NR6A1: variants seen among roughly 807,000 people sequenced by gnomAD.
The protein encoded by NR6A1 is nuclear receptor subfamily 6 group A member 1.
A neutral mutation model predicts 59.1 loss-of-function variants in NR6A1; 7 were observed. The ratio of observed to expected loss-of-function variants is 0.12; its 90% confidence interval spans 0.07 to 0.22. NR6A1 has a LOEUF of 0.22. Among genes scored for constraint, NR6A1 ranks in the 10% least tolerant of loss-of-function variants. The probability of loss-of-function intolerance (pLI) is 1.00; values close to 1 mark genes in which losing one functional copy is unlikely to be tolerated. For synonymous variants in NR6A1, 243 were observed against 236.1 expected (o/e 1.03, Z -0.27); for missense variants, 468 against 611.6 (o/e 0.77, Z 2.48).
intron 2 of NR6A1, among the ~76,000 whole-genome samples, chr9:124,555,805 T>C (rs1354425711): frequency 2.0e-5 from 3 of 152,210 alleles, no homozygotes; most frequent in Non-Finnish European, 4.4e-5. Context: ...CTATATCCCA[T>C]GGATAAAGTT....
intron 2 of NR6A1, among the ~76,000 whole-genome samples, chr9:124,706,279 A>T (rs1839131145): frequency 6.6e-6 from 1 of 152,190 alleles, no homozygotes; most frequent in Admixed American, 6.5e-5. Flanking sequence ...CTTGCTCTAT[A>T]TAATCTTGTC....
At chr9:124,645,106 A>G (rs1271974805) in intron 2 of NR6A1, among the ~76,000 whole-genome samples, 1 of 152,232 alleles carries the variant, frequency 6.6e-6, no homozygotes, top group East Asian at 1.9e-4. Context: ...ATCTCTAGTG[A>G]AACAACTAAA....
At chr9:124,719,652 C>T (rs1015759644) in intron 2 of NR6A1, among the ~76,000 whole-genome samples, 3 of 152,146 alleles carry the variant, frequency 2.0e-5, no homozygotes, top group African/African-American at 7.2e-5. Context: ...AGCACAGTGG[C>T]TCACACCTGT....
At chr9:124,662,466 T>C (rs540787803) in intron 2 of NR6A1, among the ~76,000 whole-genome samples, 51 of 152,288 alleles carry the variant, frequency 3.3e-4, no homozygotes, top group Admixed American at 1.3e-3. Context: ...AGGATTTATA[T>C]AGAACGGCTC....
intron 3 of NR6A1, among the ~76,000 whole-genome samples, chr9:124,550,451 T>C (rs1833743418): frequency 7.1e-6 from 1 of 140,724 alleles, no homozygotes; most frequent in Non-Finnish European, 1.5e-5. Context: ...TACTGCAACC[T>C]CCGTCTCCCA....
At chr9:124,619,349 C>T (rs1239800743) in intron 2 of NR6A1, among the ~76,000 whole-genome samples, 3 of 152,088 alleles carry the variant, frequency 2.0e-5, no homozygotes, top group Admixed American at 1.3e-4. Flanking sequence ...ATGCAACCTC[C>T]GCCTCCTGGG....
intron 2 of NR6A1, chr9:124,599,128 C>G: frequency 1.5e-6 from 1 of 661,542 alleles, no homozygotes; most frequent in East Asian, 3.0e-5. Flanking sequence ...CGGCAAATCA[C>G]AGTTTCGCCC....
At chr9:124,697,690 A>C (rs891416795) in intron 2 of NR6A1, among the ~76,000 whole-genome samples, 1 of 151,852 alleles carries the variant, frequency 6.6e-6, no homozygotes, top group Non-Finnish European at 1.5e-5. Flanking sequence ...AAAAAAAAAA[A>C]CAGATTACTA....
chr9:124,698,608 TAATA>T (rs1474438819), intron 2 of NR6A1: 1 of 152,178 alleles, frequency 6.6e-6, no homozygotes, highest in Non-Finnish European at 1.5e-5. Flanking sequence ...ATGGAGTAGA[TAATA>T]AATGTTTTTT....
intron 2 of NR6A1, among the ~76,000 whole-genome samples, chr9:124,682,243 C>T (rs1838188170): frequency 2.0e-5 from 3 of 152,116 alleles, no homozygotes; most frequent in Admixed American, 6.5e-5. Flanking sequence ...CTCAGATGAT[C>T]CACCCACCTC....
At chr9:124,593,549 G>T (rs753434481) in intron 2 of NR6A1, among the ~76,000 whole-genome samples, 1 of 152,156 alleles carries the variant, frequency 6.6e-6, no homozygotes, top group Non-Finnish European at 1.5e-5. Context: ...AGGACAAAAG[G>T]CATTTAAAAA....
In NR6A1 at chr9:124,759,757, G is replaced by A. The variant is rs114024473; in HGVS notation, c.100+11263C>T. 6.2e-4 allele frequency among the ~76,000 whole-genome samples: 95 copies of A among 152,276 alleles called. 1 individual carries two copies. Among genetic ancestry groups the A allele is most frequent in the Middle Eastern group, 3.4e-3 (1 of 294 alleles). Reference sequence around the variant, plus strand: ...GCCAAAGGCTTATTAAAACCAACATGAGGCCAGGGGCTGTGGCTCACAGTT... The same window carrying A: ...GCCAAAGGCTTATTAAAACCAACATAAGGCCAGGGGCTGTGGCTCACAGTT... On this transcript the variant is annotated intron_variant, in intron 1 of 9. Transcript: ENST00000487099.
chr9:124,609,909 T>C (rs1447436437), intron 2 of NR6A1, among the ~76,000 whole-genome samples: 1 of 152,192 alleles, frequency 6.6e-6, no homozygotes, highest in Non-Finnish European at 1.5e-5. Context: ...GGCTCTCTGG[T>C]TATCTGTTGT....
chr9:124,533,029 G>A (rs1833144470), intron 7 of NR6A1, among the ~76,000 whole-genome samples: 1 of 152,182 alleles, frequency 6.6e-6, no homozygotes, highest in African/African-American at 2.4e-5. Flanking sequence ...CAGTGAGATG[G>A]GATGCATTAT....
At chr9:124,689,759 T>A (rs1201634034) in intron 2 of NR6A1, among the ~76,000 whole-genome samples, 1 of 152,194 alleles carries the variant, frequency 6.6e-6, no homozygotes, top group African/African-American at 2.4e-5. Flanking sequence ...AAAATTCAAC[T>A]AACCTTTTAA....
rs185866402 is a variant in NR6A1 at position 124,704,963 on chromosome 9, T to C, written c.142+28345A>G. ...GTTGCCCAGGCTGGTCTAGAACTCCTGGGTTCAAGTGATCCGCCCACCTTG... is the reference window on the plus strand; with the variant it reads ...GTTGCCCAGGCTGGTCTAGAACTCCCGGGTTCAAGTGATCCGCCCACCTTG... On this transcript the variant is annotated intron_variant, in intron 2 of 9. Coordinates refer to ENST00000487099, the MANE Select transcript of NR6A1 (RefSeq NM_033334.4). Among the ~76,000 whole-genome samples the C allele has an allele frequency of 6.5e-3, 991 of 152,294 alleles. 5 individuals are homozygous for C. The highest frequency in any genetic ancestry group is 0.023 in the African/African-American group (939 of 41,546).
rs1443324794 is a variant in NR6A1, at chr9:124,519,201, G to A, written c.*3504C>T. 6.6e-6 allele frequency: 1 copy of A among 152,268 alleles called. No individual in the cohort carries two copies. The highest frequency in any genetic ancestry group is 1.5e-5 in the Non-Finnish European group (1 of 68,066). 9.4% of individuals were successfully genotyped at this position (152,268 alleles called of 1,614,324 possible). A position where few individuals can be genotyped will look rare whatever the true frequency, so the allele number is the denominator to read the frequency against. ...GTTGATGTGGAGTGGGTGACATTCA[G>A]TGATGCCACAGAAACCCTTAGGATT... On this transcript the variant is annotated 3_prime_UTR_variant, in exon 10 of 10. Coordinates refer to ENST00000487099, the MANE Select transcript of NR6A1 (RefSeq NM_033334.4).
At chr9:124,725,754 A>G (rs28463000) in intron 2 of NR6A1, among the ~76,000 whole-genome samples, 5,233 of 152,300 alleles carry the variant, frequency 0.034, 206 homozygotes, top group East Asian at 0.16. Flanking sequence ...CCTGGAGAGC[A>G]TGGCAAAAAT....
At chr9:124,700,356 G>A (rs1301580433) in intron 2 of NR6A1, among the ~76,000 whole-genome samples, 4 of 151,584 alleles carry the variant, frequency 2.6e-5, no homozygotes, top group East Asian at 1.9e-4. Flanking sequence ...CACCATGCCC[G>A]GCTAATTTTT....
Sources: allele counts gnomAD v4.1 joint callset (sites outside exome capture counted in the v4.1 genomes callset), GRCh38; gene constraint gnomAD v4.1.1; transcripts MANE v1.5; gene names NCBI Gene and HGNC (gene_info 2026-07-23, HGNC 2026-07-21).